The following GRSF1 variants were observed in gnomAD, a reference collection of about 807,000 sequenced individuals.
GRSF1 encodes G-rich sequence factor 1.
Under a neutral mutation model 51.1 loss-of-function variants are expected in GRSF1, and 50 were observed. The ratio of observed to expected loss-of-function variants is 0.98; its 90% CI spans 0.78 to 1.24. The LOEUF (loss-of-function observed/expected upper bound fraction) is 1.24. Among genes scored for constraint, GRSF1 ranks in the 50% most tolerant of loss-of-function variants. The probability of loss-of-function intolerance (pLI) is 0.00; values close to 1 mark genes in which losing one functional copy is unlikely to be tolerated. For synonymous variants in GRSF1, 293 were observed against 253.3 expected, an observed-to-expected ratio of 1.16 and a Z score of -1.49; for missense variants, 700 against 639.7, an observed-to-expected ratio of 1.09 and a Z score of -1.02.
chr4:70,830,078 A>C (rs1393151335), intron 5 of GRSF1, among the ~76,000 whole-genome samples: 3 of 152,196 alleles, frequency 2.0e-5, no homozygotes, highest in Non-Finnish European at 2.9e-5. Flanking sequence ...TTTCTTCAAA[A>C]GTCAATTGCT....
chr4:70,827,560 T>C (rs1335384305), intron 6 of GRSF1, among the ~76,000 whole-genome samples: 2 of 151,932 alleles, frequency 1.3e-5, no homozygotes, highest in African/African-American at 2.4e-5. Context: ...TGCGGCTCAC[T>C]TGAGGTCAAG....
At chr4:70,830,943 T>A (rs1733941302) in intron 5 of GRSF1, among the ~76,000 whole-genome samples, 1 of 152,194 alleles carries the variant, frequency 6.6e-6, no homozygotes, top group Non-Finnish European at 1.5e-5. Context: ...AAAATTTTTT[T>A]AAAAGATGCA....
intron 9 of GRSF1, among the ~76,000 whole-genome samples, chr4:70,823,012 A>C (rs1303393032): frequency 2.0e-5 from 3 of 151,820 alleles, no homozygotes; most frequent in African/African-American, 7.3e-5. Flanking sequence ...CAGGAGAATC[A>C]CTTGAACCCA....
chr4:70,839,187 G>T, intron 1 of GRSF1: 1 of 1,385,394 alleles, frequency 7.2e-7, no homozygotes, highest in Non-Finnish European at 9.5e-7. Context: ...CATGGGCCAG[G>T]CGGGGAACAA....
At position 70,825,393 on chromosome 4, in the gene GRSF1, T is replaced by A; in HGVS notation, c.1296A>T (p.Glu432Asp). ...CAGTGGCCTTCCCACTGGAGCTGTA[T>A]TCCATGGTGATTCTAACAGGCTTGA... ...APLKPVRITM[E>D]YSSSGKATGE... Residue 432 changes from glutamate to aspartate, a missense_variant, in exon 8 of 10, where the codon GAA becomes GAT. By Grantham distance (45) the Glu-to-Asp change is conservative. Transcript: ENST00000254799. 6.2e-7 allele frequency: 1 copy of A among 1,611,876 alleles called. No individual in the cohort carries two copies. The highest frequency in any genetic ancestry group is 8.5e-7 in the Non-Finnish European group (1 of 1,178,588).
intron 5 of GRSF1, 145 bp from the exon 6 acceptor site, chr4:70,828,181 T>C (rs1733809652): frequency 3.2e-6 from 2 of 634,688 alleles, no homozygotes; most frequent in South Asian, 1.9e-5. Flanking sequence ...AAACTAATAA[T>C]GCATACAGAT....
intron 2 of GRSF1, 62 bp downstream of exon 2, chr4:70,836,096 C>T: frequency 3.1e-6 from 3 of 977,316 alleles, no homozygotes; most frequent in Non-Finnish European, 2.9e-6. Context: ...AACATACATA[C>T]CTGCTTGTGA....
intron 7 of GRSF1, 184 bp from the exon 8 acceptor site, chr4:70,825,615 T>C (rs1733705209): frequency 2.4e-6 from 1 of 419,686 alleles, no homozygotes; most frequent in African/African-American, 2.1e-5. Flanking sequence ...TTACTTTTTC[T>C]CAGAACTCAA....
intron 5 of GRSF1, among the ~76,000 whole-genome samples, chr4:70,828,927 C>G (rs991214068): frequency 6.6e-6 from 1 of 151,984 alleles, no homozygotes; most frequent in African/African-American, 2.4e-5. Context: ...TTAGTAGAGA[C>G]AGGGTTTCAC....
intron 9 of GRSF1, among the ~76,000 whole-genome samples, chr4:70,823,488 T>C (rs545592057): frequency 1.0e-3 from 158 of 151,978 alleles, no homozygotes; most frequent in African/African-American, 3.7e-3. Context: ...TTTCTTTTTT[T>C]TTTTTTGCCC....
In GRSF1 at chr4:70,839,880, G is replaced by T. The variant is rs1169531871; in HGVS notation, c.-53C>A. ...AGGCAGCTGCTCCAGCAGCGATGGT[G>T]GAACGGAAGTGGAATCCAGGGCCGG... On this transcript the variant is annotated 5_prime_UTR_variant, in exon 1 of 10. Coordinates refer to ENST00000254799, the MANE Select transcript of GRSF1 (RefSeq NM_002092.4). 12 of 1,420,858 alleles carry T rather than the reference G, an allele frequency of 8.4e-6. No homozygotes were observed. The highest frequency in any genetic ancestry group is 1.1e-5 in the Non-Finnish European group (12 of 1,094,662). 88.0% of individuals were successfully genotyped at this position (1,420,858 alleles called of 1,614,324 possible). A position where few individuals can be genotyped will look rare whatever the true frequency, so the allele number is the denominator to read the frequency against.
At chr4:70,839,949 T>TG (rs950814712), upstream of GRSF1, 58 of 727,524 alleles carry the variant, frequency 8.0e-5, no homozygotes, top group East Asian at 5.7e-4. Flanking sequence ...GGGCACTGGG[T>TG]GGGGGGCCTC....
intron 7 of GRSF1, 90 bp from the exon 8 acceptor site, chr4:70,825,521 T>C (rs1189824601): frequency 1.3e-5 from 12 of 914,374 alleles, no homozygotes; most frequent in Admixed American, 2.8e-5. Flanking sequence ...TTTCAGACTT[T>C]GATTCATACA....
Position 70,839,611 on chromosome 4 carries a change from G to A in GRSF1, c.217C>T (p.Pro73Ser). Residue 73 changes from proline (P) to serine (S), a missense_variant, in exon 1 of 10, where the codon CCC (proline) becomes TCC (serine). Transcript: ENST00000254799. ...GCGGGAGGCCCCGCCAGCCTCCCGG[G>A]AGGCACAGGCCCGGTCTGGAGGCCA... ...TRGLQTGPVP[P>S]GRLAGPPAVA... 7.1e-7 allele frequency: 1 copy of A among 1,407,586 alleles called. No individual in the cohort carries two copies. The highest frequency in any genetic ancestry group is 9.2e-7 in the Non-Finnish European group (1 of 1,087,352). The allele number at this position is 1,407,586 out of a possible 1,614,324, so 87.2% of individuals were successfully genotyped here.
chr4:70,839,748 G>A lies in GRSF1; in HGVS notation c.80C>T (p.Ala27Val). 6.7e-7 allele frequency: 1 copy of A among 1,503,420 alleles called. No individual in the cohort carries two copies. The highest frequency in any genetic ancestry group is 8.8e-7 in the Non-Finnish European group (1 of 1,133,556). The allele number at this position is 1,503,420 out of a possible 1,614,324, so 93.1% of individuals were successfully genotyped here. A position where few individuals can be genotyped will look rare whatever the true frequency, so the allele number is the denominator to read the frequency against. ...GGCGGAGTAGAAGGGCAGGCAGGCG[G>A]CGCCGGTGCGCCGGCAGCTGCTGCA... Reference protein sequence around the residue: ...CNCSSCRRTGAACLPFYSAAG... With the variant: ...CNCSSCRRTGVACLPFYSAAG... Residue 27 changes from alanine to valine, a missense_variant, in exon 1 of 10, where the codon GCC (alanine) becomes GTC (valine). By Grantham distance (64) the Ala-to-Val change is moderately conservative (BLOSUM62 0). Coordinates refer to ENST00000254799, the MANE Select transcript of GRSF1 (RefSeq NM_002092.4).
At chr4:70,821,997 T>G (rs1733532673) in intron 9 of GRSF1, among the ~76,000 whole-genome samples, 1 of 151,992 alleles carries the variant, frequency 6.6e-6, no homozygotes, top group South Asian at 2.1e-4. Context: ...CAAGAAATCA[T>G]TACAGGTAAG....
intron 9 of GRSF1, among the ~76,000 whole-genome samples, chr4:70,823,626 T>A (rs1016055331): frequency 1.3e-5 from 2 of 151,594 alleles, no homozygotes; most frequent in Non-Finnish European, 2.9e-5. Flanking sequence ...TTCCAACACT[T>A]TGGGAGGCAA....
In GRSF1 at chr4:70,819,906, A is replaced by G. The variant is rs964188745; in HGVS notation, c.*981T>C. On this transcript the variant is annotated 3_prime_UTR_variant, in exon 10 of 10. Coordinates refer to ENST00000254799, the MANE Select transcript of GRSF1 (RefSeq NM_002092.4). ...TGACAGAAGTACAGCTTTATCCATA[A>G]ACCCTTCACACAATTATACATTAAA... 1 of 152,664 alleles carries G rather than the reference A, an allele frequency of 6.6e-6. No homozygotes were observed. The highest frequency in any genetic ancestry group is 1.5e-5 in the Non-Finnish European group (1 of 68,048). The allele number at this position is 152,664 out of a possible 1,614,324, so 9.5% of individuals were successfully genotyped here.
At chr4:70,836,119 G>A in intron 2 of GRSF1, 39 bp downstream of exon 2, 3 of 1,216,684 alleles carry the variant, frequency 2.5e-6, no homozygotes, top group East Asian at 2.9e-5. Context: ...AACAATATAA[G>A]GAAAAAAAAT....
Sources: allele counts gnomAD v4.1 joint callset (sites outside exome capture counted in the v4.1 genomes callset), GRCh38; gene constraint gnomAD v4.1.1; transcripts MANE v1.5; gene names NCBI Gene and HGNC (gene_info 2026-07-23, HGNC 2026-07-21).